Variants in CADM2 observed in about 807,000 individuals in gnomAD.
CADM2 encodes the protein cell adhesion molecule 2.
In CADM2, 12 loss-of-function variants were observed where a neutral mutation model predicts 49.8. That is an observed-to-expected ratio of 0.24 (90% CI 0.15 to 0.39). The LOEUF is 0.39. Among genes scored for constraint, CADM2 ranks in the 10% least tolerant of loss-of-function variants. The pLI is 1.00. For synonymous variants in CADM2, 214 were observed against 175.4 expected, an observed-to-expected ratio of 1.22 and a Z score of -1.74; for missense variants, 378 against 492.3, an observed-to-expected ratio of 0.77 and a Z score of 2.20.
intron 1 of CADM2, among the ~76,000 whole-genome samples, chr3:85,106,161 C>G (rs982721488): frequency 1.3e-5 from 2 of 151,828 alleles, no homozygotes; most frequent in Non-Finnish European, 2.9e-5. Flanking sequence ...TACATATGAG[C>G]TACTGAAATG....
intron 3 of CADM2, among the ~76,000 whole-genome samples, chr3:85,805,933 T>C (rs956810728): frequency 6.6e-6 from 1 of 152,238 alleles, no homozygotes; most frequent in Non-Finnish European, 1.5e-5. Context: ...AGATTGTGCT[T>C]CCAGTGGTTC....
Position 85,477,391 on chromosome 3 carries a change from G to GA in CADM2, c.62-249122dup, listed in dbSNP as rs561054267. On this transcript the variant is annotated intron_variant, in intron 1 of 9. Coordinates refer to ENST00000383699, the MANE Select transcript of CADM2 (RefSeq NM_001167675.2). ...AGAGATTTAAGAAGAAGATTAATAT[G>GA]AAAAAAAAATGTTAAAATTCTTCGA... Among the ~76,000 whole-genome samples the GA allele has an allele frequency of 1.2e-4, 12 of 102,290 alleles. No individual in the cohort carries two copies. In the South Asian group the frequency reaches 1.4e-3, roughly 12 times the overall value. The allele number at this position is 102,290 out of a possible 152,430, so 67.1% of individuals were successfully genotyped here. A position where few individuals can be genotyped will look rare whatever the true frequency, so the allele number is the denominator to read the frequency against.
intron 3 of CADM2, among the ~76,000 whole-genome samples, chr3:85,809,988 T>C (rs1232800943): frequency 1.3e-5 from 2 of 151,888 alleles, no homozygotes; most frequent in African/African-American, 4.8e-5. Context: ...AATTAAATGG[T>C]ACATTGCAGT....
intron 1 of CADM2, among the ~76,000 whole-genome samples, chr3:85,499,686 T>C (rs2040038758): frequency 6.6e-6 from 1 of 152,066 alleles, no homozygotes; most frequent in South Asian, 2.1e-4. Context: ...AAGATACAGT[T>C]GGGAAAAGAA....
chr3:85,849,604 GTTAT>G (rs981304501), intron 3 of CADM2, among the ~76,000 whole-genome samples: 5 of 152,108 alleles, frequency 3.3e-5, no homozygotes, highest in African/African-American at 1.2e-4. Flanking sequence ...AGCTTTCTGT[GTTAT>G]TTATCTGCCT....
At chr3:85,095,512 C>T (rs1316318673) in intron 1 of CADM2, among the ~76,000 whole-genome samples, 3 of 152,058 alleles carry the variant, frequency 2.0e-5, no homozygotes, top group South Asian at 2.1e-4. Context: ...ACTATATTAC[C>T]GATCCTTAAA....
chr3:85,131,196 AT>A (rs2039217987), intron 1 of CADM2, among the ~76,000 whole-genome samples: 2 of 152,214 alleles, frequency 1.3e-5, no homozygotes, highest in South Asian at 4.1e-4. Context: ...GAAAAAAAAA[AT>A]GCTATTAAAA....
chr3:85,077,271 T>A (rs2107490274), intron 1 of CADM2, among the ~76,000 whole-genome samples: 1 of 152,298 alleles, frequency 6.6e-6, no homozygotes, highest in African/African-American at 2.4e-5. Flanking sequence ...TAAAACATTT[T>A]ATTATAGTGG....
At chr3:85,823,236 G>A (rs1177463340) in intron 3 of CADM2, among the ~76,000 whole-genome samples, 2 of 152,072 alleles carry the variant, frequency 1.3e-5, no homozygotes, top group Non-Finnish European at 2.9e-5. Context: ...TAACAATTTT[G>A]TATTTAATGA....
chr3:85,459,827 C>T (rs2038160644), intron 1 of CADM2, among the ~76,000 whole-genome samples: 1 of 152,216 alleles, frequency 6.6e-6, no homozygotes, highest in Non-Finnish European at 1.5e-5. Context: ...ATGCCATTCA[C>T]ACATAGTGTG....
chr3:85,342,783 C>T (rs778371485), intron 1 of CADM2, among the ~76,000 whole-genome samples: 2 of 152,036 alleles, frequency 1.3e-5, no homozygotes, highest in African/African-American at 2.4e-5. Context: ...ATATCATACT[C>T]AATTATACAT....
intron 8 of CADM2, among the ~76,000 whole-genome samples, chr3:86,026,256 A>G (rs1273843276): frequency 6.6e-6 from 1 of 152,142 alleles, no homozygotes; most frequent in East Asian, 1.9e-4. Flanking sequence ...AAAACATGGA[A>G]AGATGGTACT....
intron 1 of CADM2, among the ~76,000 whole-genome samples, chr3:85,010,851 CTTTTTTTTTTTTTTTTTT>C (rs71105001): frequency 1.1e-4 from 4 of 35,682 alleles, no homozygotes; most frequent in East Asian, 1.4e-3. Flanking sequence ...CTGTTTATGT[CTTTTTTTTTTTTTTTTTT>C]TTTTTTTTTT....
chr3:85,718,220 AG>A lies in CADM2; in HGVS notation c.62-8300del, dbSNP rs2067367388. Among the ~76,000 whole-genome samples the A allele has an allele frequency of 2.0e-5, 3 of 152,214 alleles. No individual in the cohort carries two copies. The South Asian group carries it at 6.2e-4, about 31-fold the overall frequency. ...AGAATATGGGGAATAACATGAAATG[AG>A]GTAAATCATCAACACTCTATTATGT... On this transcript the variant is annotated intron_variant, in intron 1 of 9. Transcript: ENST00000383699.
At chr3:85,506,982 C>T (rs12492689) in intron 1 of CADM2, among the ~76,000 whole-genome samples, 12,226 of 152,024 alleles carry the variant, frequency 0.08, 953 homozygotes, top group African/African-American at 0.18. Context: ...AATAATTTAT[C>T]TAAAACAAGG....
At chr3:85,803,648 C>T (rs1577347477) in intron 3 of CADM2, among the ~76,000 whole-genome samples, 1 of 152,080 alleles carries the variant, frequency 6.6e-6, no homozygotes, top group Non-Finnish European at 1.5e-5. Flanking sequence ...TCTGTTGCAG[C>T]TCATGTCCAG....
At chr3:85,813,947 T>A (rs1680894825) in intron 3 of CADM2, among the ~76,000 whole-genome samples, 1 of 152,176 alleles carries the variant, frequency 6.6e-6, no homozygotes, top group African/African-American at 2.4e-5. Context: ...TGTAGCCTTG[T>A]AATATAGTTT....
At chr3:85,442,267 T>A (rs1387147691) in intron 1 of CADM2, among the ~76,000 whole-genome samples, 1 of 152,080 alleles carries the variant, frequency 6.6e-6, no homozygotes, top group Non-Finnish European at 1.5e-5. Flanking sequence ...TTTCTTTTTC[T>A]TCTCCAGTTG....
intron 1 of CADM2, among the ~76,000 whole-genome samples, chr3:85,550,952 A>G (rs540380574): frequency 2.7e-5 from 4 of 149,354 alleles, no homozygotes; most frequent in African/African-American, 1.0e-4. Flanking sequence ...TCAGTCATTG[A>G]TTTTAATTTA....
Sources: gnomAD v4.1 joint callset for allele counts (sites outside exome capture counted in the v4.1 genomes callset) on GRCh38, gnomAD v4.1.1 for gene constraint, MANE v1.5 for transcripts, NCBI Gene and HGNC (gene_info 2026-07-23, HGNC 2026-07-21) for gene names.